LPO: variants seen among roughly 807,000 people sequenced by gnomAD.
LPO encodes the protein salivary peroxidase.
Under a neutral mutation model 68.4 loss-of-function variants are expected in LPO, and 70 were observed. The ratio of observed to expected loss-of-function variants is 1.02; its 90% confidence interval spans 0.84 to 1.25. The LOEUF (loss-of-function observed/expected upper bound fraction) is 1.25. LPO is among the 50% of genes most tolerant of loss of function. The probability of loss-of-function intolerance (pLI) is 0.00; values close to 1 mark genes in which losing one functional copy is unlikely to be tolerated. For synonymous variants in LPO, 360 were observed against 357.6 expected, an observed-to-expected ratio of 1.01 and a Z score of -0.08; for missense variants, 873 against 908.4, an observed-to-expected ratio of 0.96 and a Z score of 0.50.
chr17:58,268,037 C>T lies in LPO; in HGVS notation c.*43C>T. Reference sequence around the variant, plus strand: ...GAAAGTTCCCTTTGGTCCACAGGGCCATTTCAAGCAAGTTCAATGACCTGG... The same window carrying T: ...GAAAGTTCCCTTTGGTCCACAGGGCTATTTCAAGCAAGTTCAATGACCTGG... On this transcript the variant is annotated 3_prime_UTR_variant, in exon 13 of 13. Transcript: ENST00000262290. 6.3e-7 allele frequency: 1 copy of T among 1,584,322 alleles called. No homozygotes were observed.
intron 4 of LPO, 136 bp downstream of exon 4, chr17:58,247,774 C>T (rs1969879127): frequency 2.0e-6 from 2 of 988,982 alleles, no homozygotes; most frequent in Non-Finnish European, 1.5e-6. Flanking sequence ...CCTTCTTAGA[C>T]CCGTAGACGA....
intron 8 of LPO, among the ~76,000 whole-genome samples, chr17:58,254,136 T>G (rs76781940): frequency 8.8e-5 from 8 of 90,530 alleles, no homozygotes; most frequent in African/African-American, 1.8e-4. Flanking sequence ...ATGATAGATA[T>G]ATAGATATAT....
intron 1 of LPO, among the ~76,000 whole-genome samples, chr17:58,242,255 A>C (rs574189497): frequency 3.3e-4 from 51 of 152,376 alleles, no homozygotes; most frequent in Non-Finnish European, 5.6e-4. Context: ...TCAGAGTTAA[A>C]GCTCATGGCA....
In LPO at chr17:58,268,077, A is replaced by G; in HGVS notation, c.*83A>G. ...CAATGACCTGGTCCCTTAGAGCTCC[A>G]TATCCCAGTCCCAGCCCTTCTTTGC... On this transcript the variant is annotated 3_prime_UTR_variant, in exon 13 of 13. Coordinates refer to ENST00000262290, the MANE Select transcript of LPO (RefSeq NM_006151.3). 7.2e-7 allele frequency: 1 copy of G among 1,385,470 alleles called. No homozygotes were observed. 85.8% of individuals were successfully genotyped at this position (1,385,470 alleles called of 1,614,324 possible).
In LPO at chr17:58,252,088, C is replaced by T. The variant is rs538536869; in HGVS notation, c.781-94C>T. On this transcript the variant is annotated intron_variant, in intron 7 of 12. Transcript: ENST00000262290. ...TACCAGGGTCCTAGGAGGGTGCCATCAGCATCTTTGCATCCAGACTTGCCC... is the reference window on the plus strand; with the variant it reads ...TACCAGGGTCCTAGGAGGGTGCCATTAGCATCTTTGCATCCAGACTTGCCC... 3.5e-4 allele frequency: 407 copies of T among 1,165,280 alleles called. 2 individuals carry two copies. The African/African-American group carries it at 5.6e-3, about 16-fold the overall frequency. The allele number at this position is 1,165,280 out of a possible 1,614,324, so 72.2% of individuals were successfully genotyped here.
intron 9 of LPO, among the ~76,000 whole-genome samples, chr17:58,261,416 T>C (rs1970173232): frequency 2.6e-5 from 4 of 152,212 alleles, no homozygotes; most frequent in Admixed American, 6.5e-5. Flanking sequence ...TTATCTGATA[T>C]TAATATAGTC....
chr17:58,242,462 G>A (rs1443156497), intron 1 of LPO, among the ~76,000 whole-genome samples: 2 of 152,192 alleles, frequency 1.3e-5, no homozygotes, highest in Non-Finnish European at 2.9e-5. Flanking sequence ...TCCTGGGGCT[G>A]GGCCAGAGGA....
At chr17:58,260,204 A>AT (rs970631259) in intron 9 of LPO, among the ~76,000 whole-genome samples, 5 of 152,148 alleles carry the variant, frequency 3.3e-5, no homozygotes, top group African/African-American at 1.2e-4. Flanking sequence ...AATATAATTG[A>AT]TTTTTTTATG....
At position 58,254,985 on chromosome 17, in the gene LPO, G is replaced by A. The variant is rs1296449640; in HGVS notation, c.1266+14G>A. 6.2e-7 allele frequency: 1 copy of A among 1,612,560 alleles called. No homozygotes were observed. Among genetic ancestry groups the A allele is most frequent in the Non-Finnish European group, 8.5e-7 (1 of 1,179,074 alleles). On this transcript the variant is annotated intron_variant, in intron 9 of 12. Coordinates refer to ENST00000262290, the MANE Select transcript of LPO (RefSeq NM_006151.3). ...GCCTTCGTGCAGGTAGGGAGTCCCA[G>A]GAGCACTGTCACCTGGTCCCACCTG...
chr17:58,255,166 C>T (rs978938094), intron 9 of LPO, among the ~76,000 whole-genome samples, 195 bp downstream of exon 9: 2 of 152,208 alleles, frequency 1.3e-5, no homozygotes, highest in African/African-American at 4.8e-5. Context: ...TTCTCTGTCT[C>T]AAAATGAATC....
intron 7 of LPO, chr17:58,251,161 C>T: frequency 6.2e-6 from 1 of 160,044 alleles, no homozygotes; most frequent in Non-Finnish European, 1.4e-5. Context: ...TGCATGTGGT[C>T]CCAGCTACTC....
chr17:58,249,203 C>A (rs760968448), intron 5 of LPO, 26 bp downstream of exon 5: 1 of 1,588,174 alleles, frequency 6.3e-7, no homozygotes, highest in Non-Finnish European at 8.6e-7. Flanking sequence ...GTGTGGGGGC[C>A]GACCATTCCA....
chr17:58,267,976 G>A lies in LPO; in HGVS notation c.2121G>A (p.Trp707Ter), dbSNP rs1970307936. ...TCGACAAGCTGGACCTGTCACCCTG[G>A]GCCTCAGTGAAGAATTAGGGGCCCG... ...SAIDKLDLSP[W>*]ASVKN Residue 707 changes from tryptophan (W) to a stop codon, truncating the protein, a stop_gained, in exon 13 of 13, where the codon TGG (tryptophan) becomes TGA (stop). Transcript: ENST00000262290. LOFTEE classifies it high-confidence loss of function. 1 of 1,613,816 alleles carries A rather than the reference G, an allele frequency of 6.2e-7. No homozygotes were observed. Among genetic ancestry groups the A allele is most frequent in the African/African-American group, 1.3e-5 (1 of 75,014 alleles).
intron 6 of LPO, among the ~76,000 whole-genome samples, chr17:58,249,975 C>T (rs1001922015): frequency 5.3e-5 from 8 of 152,194 alleles, no homozygotes; most frequent in Non-Finnish European, 8.8e-5. Flanking sequence ...CCCCAGCCCC[C>T]GCCCCTGGAG....
rs989560416 is a variant in LPO, at chr17:58,264,767, A to G, written c.1312A>G (p.Met438Val). 1.9e-6 allele frequency: 3 copies of G among 1,614,092 alleles called. No individual in the cohort carries two copies. Among genetic ancestry groups the G allele is most frequent in the Non-Finnish European group, 2.5e-6 (3 of 1,180,034 alleles). ...CCTACCCATTTTGCTAGGTGACCACATGCAGAAGTGGATACCCCCATATCA... is the reference window on the plus strand; with the variant it reads ...CCTACCCATTTTGCTAGGTGACCACGTGCAGAAGTGGATACCCCCATATCA... ...DYLPILLGDH[M>V]QKWIPPYQGY... is the part of the protein sequence containing the mutation. The change falls in exon 10 of 13, where the codon ATG becomes GTG. Residue 438 changes from methionine (M) to valine (V), a missense_variant. Met to Val is a conservative substitution (Grantham distance 21). Transcript: ENST00000262290.
At chr17:58,245,284 G>C (rs1969832978) in intron 3 of LPO, among the ~76,000 whole-genome samples, 1 of 152,104 alleles carries the variant, frequency 6.6e-6, no homozygotes, top group Admixed American at 6.5e-5. Context: ...CTGCTCCTTG[G>C]GGGTTAAGCT....
Position 58,254,880 on chromosome 17 carries a change from G to T in LPO, c.1175G>T (p.Arg392Leu), listed in dbSNP as rs1295581518. ...SHTLFLREHN[R>L]LARELKRLNP... ...ACCCTCTTTCTCCGCGAGCATAACC[G>T]GCTGGCCAGAGAACTAAAGAGACTC... The change falls in exon 9 of 13, where the codon CGG becomes CTG. Residue 392 changes from arginine (R) to leucine (L), a missense_variant. Transcript: ENST00000262290. 3.1e-6 allele frequency: 5 copies of T among 1,613,970 alleles called. No homozygotes were observed. Among genetic ancestry groups the T allele is most frequent in the South Asian group, 1.1e-5 (1 of 91,066 alleles).
intron 1 of LPO, 98 bp from the exon 2 acceptor site, chr17:58,242,880 T>C: frequency 2.2e-6 from 2 of 903,172 alleles, no homozygotes; most frequent in Non-Finnish European, 1.8e-6. Context: ...AATATTAGGG[T>C]GTCTGGTGCT....
intron 9 of LPO, among the ~76,000 whole-genome samples, chr17:58,261,824 T>C (rs1188764258): frequency 6.6e-6 from 1 of 152,172 alleles, no homozygotes; most frequent in African/African-American, 2.4e-5. Context: ...GATAGGTAGA[T>C]AGATATAGAA....
Sources: gnomAD v4.1 joint callset for allele counts (sites outside exome capture counted in the v4.1 genomes callset) on GRCh38, gnomAD v4.1.1 for gene constraint, MANE v1.5 for transcripts, NCBI Gene and HGNC (gene_info 2026-07-23, HGNC 2026-07-21) for gene names.